Variants in COL19A1 observed in about 807,000 individuals in gnomAD.
COL19A1 encodes the protein collagen alpha-1(XIX) chain.
A neutral mutation model predicts 190.2 loss-of-function variants in COL19A1; 159 were observed. The observed-to-expected ratio is 0.84, with a 90% confidence interval of 0.73 to 0.95. COL19A1 has a LOEUF of 0.95. Among genes scored for constraint, COL19A1 ranks in the 40% least tolerant of loss-of-function variants. COL19A1 has a pLI of 0.00. For missense variants in COL19A1, 1,418 were observed against 1,431.9 expected (o/e 0.99, Z 0.16); for synonymous variants, 509 against 458.9 (o/e 1.11, Z -1.39).
intron 17 of COL19A1, among the ~76,000 whole-genome samples, chr6:70,127,785 A>T (rs55959115): frequency 0.28 from 42,627 of 151,870 alleles, 6,768 homozygotes; most frequent in African/African-American, 0.42. Flanking sequence ...AGCACAGGAA[A>T]GACTCACACC....
chr6:70,076,336 T>A (rs140561135), intron 15 of COL19A1, among the ~76,000 whole-genome samples: 1 of 152,312 alleles, frequency 6.6e-6, no homozygotes, highest in Admixed American at 6.5e-5. Context: ...AAACCCAGAT[T>A]TGCATGTTTT....
Position 70,212,415 on chromosome 6 carries a change from A to G in COL19A1, c.*5141A>G, listed in dbSNP as rs1245195703. 6.6e-6 allele frequency among the ~76,000 whole-genome samples: 1 copy of G among 152,194 alleles called. No homozygotes were observed. The highest frequency in any genetic ancestry group is 1.5e-5 in the Non-Finnish European group (1 of 68,036). On this transcript the variant is annotated 3_prime_UTR_variant, in exon 51 of 51. Coordinates refer to ENST00000620364, the MANE Select transcript of COL19A1 (RefSeq NM_001858.6). ...TGATTCCTACATGTTCATTATGCATAATGAGCTTGTCACCTATCTCAGCAA... is the reference window on the plus strand; with the variant it reads ...TGATTCCTACATGTTCATTATGCATGATGAGCTTGTCACCTATCTCAGCAA...
At chr6:69,967,940 TAAAGTAC>T (rs200870558) in intron 11 of COL19A1, among the ~76,000 whole-genome samples, 22,161 of 132,550 alleles carry the variant, frequency 0.17, 4,688 homozygotes, top group African/African-American at 0.48. Context: ...ACACGTAGCG[TAAAGTAC>T]ACTTTGCTAC....
intron 16 of COL19A1, among the ~76,000 whole-genome samples, chr6:70,117,465 C>G (rs1784643431): frequency 1.3e-5 from 2 of 152,204 alleles, no homozygotes; most frequent in South Asian, 4.1e-4. Flanking sequence ...TGTTTTCCAC[C>G]TCCAGCAAGA....
chr6:70,161,977 C>T, intron 35 of COL19A1, 24 bp downstream of exon 35: 1 of 1,578,942 alleles, frequency 6.3e-7, no homozygotes, highest in Non-Finnish European at 8.6e-7. Context: ...AAAACGATTG[C>T]ACTCACAGCT....
chr6:70,172,433 G>C (rs940287110), intron 41 of COL19A1, among the ~76,000 whole-genome samples: 1 of 152,062 alleles, frequency 6.6e-6, no homozygotes, highest in African/African-American at 2.4e-5. Context: ...AGAGACCAGG[G>C]GAGGGAGTGA....
chr6:70,016,369 A>T (rs1348789906), intron 11 of COL19A1, among the ~76,000 whole-genome samples: 2 of 127,886 alleles, frequency 1.6e-5, no homozygotes, highest in African/African-American at 3.5e-5. Flanking sequence ...AGTATAATAA[A>T]AAAAAAAAAA....
chr6:69,959,829 C>T (rs1774660161), intron 9 of COL19A1, among the ~76,000 whole-genome samples, 167 bp from the exon 10 acceptor site: 1 of 152,088 alleles, frequency 6.6e-6, no homozygotes, highest in Admixed American at 6.5e-5. Context: ...GGTGACAGTC[C>T]TGGATTTGAG....
chr6:70,084,316 C>T (rs1983761), intron 15 of COL19A1, among the ~76,000 whole-genome samples: 9,750 of 152,120 alleles, frequency 0.064, 452 homozygotes, highest in Non-Finnish European at 0.096. Flanking sequence ...ATGACTTGTT[C>T]AGAGTCACAA....
At position 70,210,822 on chromosome 6, in the gene COL19A1, T is replaced by A. The variant is rs2127540384; in HGVS notation, c.*3548T>A. ...AGATAATTTTTGTTAATTTGTTTTGTTAATTTATGTTTTTCCTAATTTTAA... is the reference window on the plus strand; with the variant it reads ...AGATAATTTTTGTTAATTTGTTTTGATAATTTATGTTTTTCCTAATTTTAA... On this transcript the variant is annotated 3_prime_UTR_variant, in exon 51 of 51. Coordinates refer to ENST00000620364, the MANE Select transcript of COL19A1 (RefSeq NM_001858.6). 6.6e-6 allele frequency among the ~76,000 whole-genome samples: 1 copy of A among 152,270 alleles called. No individual in the cohort carries two copies. The highest frequency in any genetic ancestry group is 2.1e-4 in the South Asian group (1 of 4,830).
chr6:69,996,406 C>G (rs1208053912), intron 11 of COL19A1, among the ~76,000 whole-genome samples: 1 of 151,826 alleles, frequency 6.6e-6, no homozygotes, highest in Non-Finnish European at 1.5e-5. Flanking sequence ...TATTTGACTG[C>G]CAGAGACATA....
At chr6:70,069,633 T>C (rs1582834205) in intron 15 of COL19A1, among the ~76,000 whole-genome samples, 1 of 152,302 alleles carries the variant, frequency 6.6e-6, no homozygotes, top group Admixed American at 6.5e-5. Context: ...TGGCCTAAGA[T>C]TGAGCCAATG....
At chr6:70,154,755 G>A (rs1462709024) in intron 31 of COL19A1, among the ~76,000 whole-genome samples, 1 of 152,168 alleles carries the variant, frequency 6.6e-6, no homozygotes, top group Non-Finnish European at 1.5e-5. Flanking sequence ...GAGAGCCCCT[G>A]GCAAACCACT....
chr6:69,920,512 C>A (rs777986641), intron 4 of COL19A1, among the ~76,000 whole-genome samples: 5 of 152,168 alleles, frequency 3.3e-5, no homozygotes, highest in Non-Finnish European at 7.3e-5. Context: ...TGGCTCCCTC[C>A]CTCAGAGGCC....
At chr6:70,069,663 A>G (rs1781437034) in intron 15 of COL19A1, among the ~76,000 whole-genome samples, 3 of 152,232 alleles carry the variant, frequency 2.0e-5, no homozygotes, top group Admixed American at 2.0e-4. Flanking sequence ...CTGGTATTGT[A>G]CTTTTGACTT....
intron 9 of COL19A1, among the ~76,000 whole-genome samples, chr6:69,959,763 C>T (rs1774656191): frequency 6.6e-6 from 1 of 152,104 alleles, no homozygotes; most frequent in Non-Finnish European, 1.5e-5. Flanking sequence ...AGTTAGGTGA[C>T]CTTTGACATG....
intron 44 of COL19A1, among the ~76,000 whole-genome samples, chr6:70,183,940 T>C (rs1766340501): frequency 6.6e-6 from 1 of 152,206 alleles, no homozygotes; most frequent in Non-Finnish European, 1.5e-5. Context: ...TGATTTGACC[T>C]CGAATACTTT....
chr6:70,163,129 G>C (rs1194458527), intron 35 of COL19A1, among the ~76,000 whole-genome samples: 1 of 152,130 alleles, frequency 6.6e-6, no homozygotes, highest in Non-Finnish European at 1.5e-5. Flanking sequence ...GTTGACGAAG[G>C]TGAAAAAGCG....
chr6:69,896,218 G>A (rs1350960423), intron 2 of COL19A1, among the ~76,000 whole-genome samples: 1 of 152,186 alleles, frequency 6.6e-6, no homozygotes, highest in East Asian at 1.9e-4. Flanking sequence ...AAGTCATACA[G>A]TTCATATATA....
Sources: allele counts gnomAD v4.1 joint callset (sites outside exome capture counted in the v4.1 genomes callset), GRCh38; gene constraint gnomAD v4.1.1; transcripts MANE v1.5; gene names NCBI Gene and HGNC (gene_info 2026-07-23, HGNC 2026-07-21).